The following MYO16 variants were observed in gnomAD, a reference collection of about 807,000 sequenced individuals.
MYO16 encodes the protein myosin XVI.
In MYO16, 94 loss-of-function variants were observed where a neutral mutation model predicts 205.3. The ratio of observed to expected loss-of-function variants is 0.46; its 90% CI spans 0.39 to 0.54. MYO16 has a LOEUF of 0.54. Ranked by LOEUF, MYO16 falls within the 20% of genes least tolerant of loss-of-function variation. The probability of loss-of-function intolerance (pLI) is 0.00; values close to 1 mark genes in which losing one functional copy is unlikely to be tolerated. For synonymous variants in MYO16, 988 were observed against 954.0 expected, an observed-to-expected ratio of 1.04 and a Z score of -0.66; for missense variants, 2,315 against 2,387.5, an observed-to-expected ratio of 0.97 and a Z score of 0.63.
intron 16 of MYO16, among the ~76,000 whole-genome samples, chr13:108,950,357 A>T (rs1311410935): frequency 6.6e-6 from 1 of 152,220 alleles, no homozygotes; most frequent in East Asian, 1.9e-4. Flanking sequence ...AAATTGTTCT[A>T]GTCCAATTAG....
At chr13:109,073,663 A>C (rs1005978806) in intron 27 of MYO16, among the ~76,000 whole-genome samples, 2 of 152,006 alleles carry the variant, frequency 1.3e-5, no homozygotes, top group Non-Finnish European at 2.9e-5. Context: ...TGTATTATCA[A>C]TTTTTTCTGA....
chr13:108,703,641 C>T (rs977737064), intron 2 of MYO16, among the ~76,000 whole-genome samples: 3 of 152,146 alleles, frequency 2.0e-5, no homozygotes, highest in African/African-American at 7.2e-5. Flanking sequence ...CAGGACAGAC[C>T]ACATGCAAAG....
At chr13:109,029,069 G>C (rs1324133463) in intron 23 of MYO16, among the ~76,000 whole-genome samples, 1 of 150,740 alleles carries the variant, frequency 6.6e-6, no homozygotes, top group Non-Finnish European at 1.5e-5. Flanking sequence ...AGATGATCTA[G>C]TGATGAAAGC....
At chr13:108,755,263 A>AGT (rs10681897) in intron 4 of MYO16, among the ~76,000 whole-genome samples, 30,261 of 151,816 alleles carry the variant, frequency 0.2, 3,264 homozygotes, top group African/African-American at 0.25. Flanking sequence ...AGAGGAAATG[A>AGT]GTTTACAAGC....
At chr13:108,892,176 A>G (rs1181876807) in intron 14 of MYO16, among the ~76,000 whole-genome samples, 4 of 152,174 alleles carry the variant, frequency 2.6e-5, no homozygotes, top group Non-Finnish European at 2.9e-5. Flanking sequence ...TGTGTTCATT[A>G]ATGACTTTAA....
At chr13:109,184,076 T>C (rs1036145253) in intron 34 of MYO16, among the ~76,000 whole-genome samples, 2 of 152,228 alleles carry the variant, frequency 1.3e-5, no homozygotes, top group African/African-American at 4.8e-5. Context: ...ACAAATTGTG[T>C]GTTAGATAAA....
chr13:108,701,922 A>G (rs1356588909), intron 2 of MYO16, among the ~76,000 whole-genome samples: 1 of 152,222 alleles, frequency 6.6e-6, no homozygotes, highest in Non-Finnish European at 1.5e-5. Context: ...CTAAAATTAA[A>G]TATACATTAG....
At chr13:108,532,640 A>G in the MYO16 span, among the ~76,000 whole-genome samples, 2 of 151,854 alleles carry the variant, frequency 1.3e-5, no homozygotes, top group Admixed American at 1.3e-4. Flanking sequence ...CACAATTAAA[A>G]ATTATCTGGG....
intron 1 of MYO16, among the ~76,000 whole-genome samples, chr13:108,608,269 G>A (rs912665056): frequency 3.3e-5 from 5 of 152,114 alleles, no homozygotes; most frequent in Admixed American, 6.6e-5. Flanking sequence ...TGGTGGCATG[G>A]CTTCTGCCTT....
intron 1 of MYO16, among the ~76,000 whole-genome samples, chr13:108,620,265 C>A (rs922801391): frequency 1.3e-5 from 2 of 152,080 alleles, no homozygotes; most frequent in Admixed American, 6.6e-5. Context: ...CACTTAGAAG[C>A]TTATTTATAA....
chr13:108,896,388 G>A (rs1880414008), intron 14 of MYO16, among the ~76,000 whole-genome samples: 2 of 151,848 alleles, frequency 1.3e-5, no homozygotes, highest in Non-Finnish European at 1.5e-5. Flanking sequence ...TTTTTTCCCA[G>A]AAAACATTGC....
At chr13:108,562,804 C>T in the MYO16 span, among the ~76,000 whole-genome samples, 1 of 152,150 alleles carries the variant, frequency 6.6e-6, no homozygotes, top group Non-Finnish European at 1.5e-5. Context: ...GAGCAATAGG[C>T]TATACCATAT....
intron 4 of MYO16, among the ~76,000 whole-genome samples, chr13:108,758,889 A>G (rs537836065): frequency 6.6e-6 from 1 of 152,344 alleles, no homozygotes; most frequent in African/African-American, 2.4e-5. Context: ...GATTTAGTGT[A>G]ATATCTTTTT....
chr13:109,179,500 A>T, intron 33 of MYO16, 42 bp from the exon 34 acceptor site: 1 of 1,279,892 alleles, frequency 7.8e-7, no homozygotes. Flanking sequence ...ATTTGGAACA[A>T]GGAGACACTG....
chr13:108,896,849 G>T (rs1297833490), intron 14 of MYO16, among the ~76,000 whole-genome samples: 1 of 152,008 alleles, frequency 6.6e-6, no homozygotes, highest in South Asian at 2.1e-4. Flanking sequence ...GCATGCCCTT[G>T]TAATCCCAGC....
At chr13:108,636,359 TTTTTTTTTTTTGTGTGTG>T (rs1390727287) in intron 1 of MYO16, among the ~76,000 whole-genome samples, 13 of 96,940 alleles carry the variant, frequency 1.3e-4, no homozygotes, top group African/African-American at 8.5e-5. Flanking sequence ...TTTTTTTTTT[TTTTTTTTTTTTGTGTGTG>T]TGTGTGTGTG....
At chr13:108,924,355 A>T (rs1236222213) in intron 16 of MYO16, among the ~76,000 whole-genome samples, 2 of 152,210 alleles carry the variant, frequency 1.3e-5, no homozygotes, top group Non-Finnish European at 2.9e-5. Flanking sequence ...CGGGAAAGTC[A>T]TTAACTGTGC....
At chr13:108,941,632 G>A (rs1000253257) in intron 16 of MYO16, among the ~76,000 whole-genome samples, 5 of 134,734 alleles carry the variant, frequency 3.7e-5, no homozygotes, top group African/African-American at 5.8e-5. Context: ...AGCCAAAATC[G>A]CACCACTGCA....
intron 32 of MYO16, among the ~76,000 whole-genome samples, chr13:109,153,962 C>T (rs1179856998): frequency 6.6e-6 from 1 of 152,122 alleles, no homozygotes; most frequent in East Asian, 1.9e-4. Flanking sequence ...GTGACTGGCA[C>T]CTGCCCTGTG....
Sources: allele counts gnomAD v4.1 joint callset (sites outside exome capture counted in the v4.1 genomes callset), GRCh38; gene constraint gnomAD v4.1.1; transcripts MANE v1.5; gene names NCBI Gene and HGNC (gene_info 2026-07-23, HGNC 2026-07-21).